SLC25A40: variants seen among roughly 807,000 people sequenced by gnomAD.
SLC25A40 encodes mitochondrial glutathione transporter SLC25A40.
SLC25A40 carries 41 observed loss-of-function variants against 46.5 expected under a neutral mutation model. The observed-to-expected ratio is 0.88, with a 90% CI of 0.69 to 1.14. The LOEUF (loss-of-function observed/expected upper bound fraction) is 1.14. Ranked by LOEUF, SLC25A40 falls within the 50% of genes most tolerant of loss-of-function variation. The pLI is 0.00. For synonymous variants in SLC25A40, 126 were observed against 127.5 expected (o/e 0.99, Z 0.08); for missense variants, 386 against 393.6 (o/e 0.98, Z 0.16).
At chr7:87,875,566 G>C (rs912609682) in intron 1 of SLC25A40, among the ~76,000 whole-genome samples, 3 of 148,120 alleles carry the variant, frequency 2.0e-5, no homozygotes, top group Non-Finnish European at 4.5e-5. Context: ...TTTTTTTGGA[G>C]AGGCATGTTC....
Position 87,854,249 on chromosome 7 carries a change from G to A in SLC25A40, c.219C>T (p.Gly73=), listed in dbSNP as rs754454426. Residue 73 remains glycine, a synonymous_variant, in exon 5 of 12, where the codon GGC becomes GGT. Coordinates refer to ENST00000341119, the MANE Select transcript of SLC25A40 (RefSeq NM_018843.4). Reference sequence around the variant, plus strand: ...CTGGCTTCTTATACCATAGTTTGTTGCCTCCCTCTTCACAGACACATAGAT... The same window carrying A: ...CTGGCTTCTTATACCATAGTTTGTTACCTCCCTCTTCACAGACACATAGAT... ...MDHLCVCEEG[G]NKLWYKKPGN... 1 of 1,613,200 alleles carries A rather than the reference G, an allele frequency of 6.2e-7. No individual in the cohort carries two copies. The highest frequency in any genetic ancestry group is 8.5e-7 in the Non-Finnish European group (1 of 1,179,490).
rs1838484098 is a variant in SLC25A40, at chr7:87,849,963, GA to G, written c.265-16del. On this transcript the variant is annotated splice_polypyrimidine_tract_variant and intron_variant, in intron 5 of 11. Coordinates refer to ENST00000341119, the MANE Select transcript of SLC25A40 (RefSeq NM_018843.4). ...AAAAATGCATCCTAAAGTTATAATA[GA>G]AAAAAAGTAATCAAAATATATCTTT... 12 of 1,506,664 alleles carry G rather than the reference GA, an allele frequency of 8.0e-6. No individual in the cohort carries two copies. Among genetic ancestry groups the G allele is most frequent in the South Asian group, 6.1e-5 (5 of 81,532 alleles). 93.3% of individuals were successfully genotyped at this position (1,506,664 alleles called of 1,614,324 possible).
At chr7:87,850,667 C>A (rs917262869) in intron 5 of SLC25A40, among the ~76,000 whole-genome samples, 1 of 151,732 alleles carries the variant, frequency 6.6e-6, no homozygotes, top group African/African-American at 2.4e-5. Context: ...ACTTGGGAGT[C>A]TGAGGTGGGA....
In SLC25A40 at chr7:87,835,562, G is replaced by T. The variant is rs1196416464; in HGVS notation, c.*687C>A. ...TCAGTAAAAAACTCCCTCTCTTACAGGAATGGCAGAAATATAGACATTTAG... is the reference window on the plus strand; with the variant it reads ...TCAGTAAAAAACTCCCTCTCTTACATGAATGGCAGAAATATAGACATTTAG... On this transcript the variant is annotated 3_prime_UTR_variant, in exon 12 of 12. Coordinates refer to ENST00000341119, the MANE Select transcript of SLC25A40 (RefSeq NM_018843.4). 1 of 151,482 alleles carries T rather than the reference G, an allele frequency of 6.6e-6. No homozygotes were observed. Among genetic ancestry groups the T allele is most frequent in the Non-Finnish European group, 1.5e-5 (1 of 67,648 alleles). The allele number at this position is 151,482 out of a possible 1,614,324, so 9.4% of individuals were successfully genotyped here.
Position 87,846,351 on chromosome 7 carries a change from T to A in SLC25A40, c.631+598A>T, listed in dbSNP as rs548213469. Among the ~76,000 whole-genome samples the A allele has an allele frequency of 4.6e-5, 7 of 152,304 alleles. No individual in the cohort carries two copies. The South Asian group carries it at 1.4e-3, about 32-fold the overall frequency. ...TTTCTCTCTAGATAAGTATTTCTTT[T>A]GGGTCTTAAAAACTTCTATGATCCA... On this transcript the variant is annotated intron_variant, in intron 8 of 11. Coordinates refer to ENST00000341119, the MANE Select transcript of SLC25A40 (RefSeq NM_018843.4).
chr7:87,866,298 G>A (rs1254335767), intron 1 of SLC25A40, among the ~76,000 whole-genome samples: 1 of 152,016 alleles, frequency 6.6e-6, no homozygotes. Flanking sequence ...GGGTATATTT[G>A]CTGGATACAG....
chr7:87,850,194 T>C (rs1838486920), intron 5 of SLC25A40, among the ~76,000 whole-genome samples: 1 of 152,142 alleles, frequency 6.6e-6, no homozygotes, highest in Admixed American at 6.5e-5. Context: ...ATTGTTCTAC[T>C]AAGAGCTTAG....
chr7:87,836,364 GAGAAA>G lies in SLC25A40; in HGVS notation c.905-8_905-4del, dbSNP rs763297221. 6.7e-7 allele frequency: 1 copy of G among 1,495,042 alleles called. No individual in the cohort carries two copies. Among genetic ancestry groups the G allele is most frequent in the South Asian group, 1.4e-5 (1 of 72,650 alleles). The allele number at this position is 1,495,042 out of a possible 1,614,324, so 92.6% of individuals were successfully genotyped here. A position where few individuals can be genotyped will look rare whatever the true frequency, so the allele number is the denominator to read the frequency against. ...TTTAATTAAGCGAGGAATTAGGCCT[GAGAAA>G]AGAATAGGAATAATCAAAACAAATA... On this transcript the variant is annotated splice_polypyrimidine_tract_variant and splice_region_variant and intron_variant, in intron 11 of 11. Transcript: ENST00000341119.
In SLC25A40 at chr7:87,858,617, T is replaced by A; in HGVS notation, c.97+14A>T. ...TTCAAAGTTACATAATCTACATCAG[T>A]AACATAATTTTACCTATTACTGATG... On this transcript the variant is annotated intron_variant, in intron 3 of 11. Coordinates refer to ENST00000341119, the MANE Select transcript of SLC25A40 (RefSeq NM_018843.4). The A allele has an allele frequency of 7.2e-7, 1 of 1,389,782 alleles. No homozygotes were observed. The highest frequency in any genetic ancestry group is 1.0e-6 in the Non-Finnish European group (1 of 975,830). 86.1% of individuals were successfully genotyped at this position (1,389,782 alleles called of 1,614,324 possible).
intron 1 of SLC25A40, among the ~76,000 whole-genome samples, chr7:87,867,197 G>C (rs1170869952): frequency 6.6e-6 from 1 of 152,176 alleles, no homozygotes; most frequent in Non-Finnish European, 1.5e-5. Flanking sequence ...CTTTGAATAA[G>C]TTTTCTACCT....
intron 2 of SLC25A40, among the ~76,000 whole-genome samples, chr7:87,859,062 A>T: frequency 6.6e-6 from 1 of 152,232 alleles, no homozygotes; most frequent in East Asian, 1.9e-4. Context: ...GTTTTATCTT[A>T]CAAAAATTTG....
At chr7:87,873,358 A>C (rs942808054) in intron 1 of SLC25A40, among the ~76,000 whole-genome samples, 2 of 152,200 alleles carry the variant, frequency 1.3e-5, no homozygotes, top group Non-Finnish European at 2.9e-5. Context: ...ATAATCACAA[A>C]AAGTTGTGGA....
Position 87,836,216 on chromosome 7 carries a change from CTA to C in SLC25A40, c.*31_*32del. ...GCCTAAGAGTCTCCATCTTCTTTGG[CTA>C]TAGTTGTTGTTTCAAGTTGAAACAG... On this transcript the variant is annotated 3_prime_UTR_variant, in exon 12 of 12. Transcript: ENST00000341119. 1 of 1,333,464 alleles carries C rather than the reference CTA, an allele frequency of 7.5e-7. No homozygotes were observed. Among genetic ancestry groups the C allele is most frequent in the South Asian group, 1.3e-5 (1 of 77,622 alleles). The allele number at this position is 1,333,464 out of a possible 1,614,324, so 82.6% of individuals were successfully genotyped here. A position where few individuals can be genotyped will look rare whatever the true frequency, so the allele number is the denominator to read the frequency against.
chr7:87,869,409 T>A (rs1262102612), intron 1 of SLC25A40, among the ~76,000 whole-genome samples: 2 of 151,884 alleles, frequency 1.3e-5, no homozygotes. Flanking sequence ...GCACCTCTAG[T>A]CCCAGCTACA....
intron 5 of SLC25A40, among the ~76,000 whole-genome samples, chr7:87,852,460 T>C (rs1032748178): frequency 1.3e-5 from 2 of 152,032 alleles, no homozygotes; most frequent in African/African-American, 2.4e-5. Flanking sequence ...TCCCAGCTAT[T>C]TGGGAGACGG....
rs148917618 is a variant in SLC25A40, at chr7:87,847,070, C to T, written c.510G>A (p.Gln170=). Residue 170 remains glutamine (Q), a synonymous_variant, in exon 8 of 12, where the codon CAG becomes CAA. Coordinates refer to ENST00000341119, the MANE Select transcript of SLC25A40 (RefSeq NM_018843.4). Reference sequence around the variant, plus strand: ...GTTCCACGTAAGAAAACTTCTTGGACTGCATCTTGGTTCTAATCAATTCTA... The same window carrying T: ...GTTCCACGTAAGAAAACTTCTTGGATTGCATCTTGGTTCTAATCAATTCTA... ...SPLELIRTKM[Q]SKKFSYVELH... 24 of 1,613,588 alleles carry T rather than the reference C, an allele frequency of 1.5e-5. No homozygotes were observed. In the African/African-American group the frequency reaches 2.8e-4, roughly 19 times the overall value.
chr7:87,837,428 C>T (rs1266950105), intron 10 of SLC25A40, among the ~76,000 whole-genome samples: 3 of 151,068 alleles, frequency 2.0e-5, no homozygotes, highest in Non-Finnish European at 3.0e-5. Context: ...TTATTACTAC[C>T]TTTCTGAATG....
rs1037193920 is a variant in SLC25A40, at chr7:87,862,234, G to A, written c.-93-1594C>T. Among the ~76,000 whole-genome samples, 5 of 152,250 alleles carry A rather than the reference G, an allele frequency of 3.3e-5. No homozygotes were observed. In the East Asian group the frequency reaches 7.7e-4, roughly 24 times the overall value. ...TTTTAGGGAGGACACATTCTACTGG[G>A]AGAACTCACTCTAACAAAATATCTC... On this transcript the variant is annotated intron_variant, in intron 1 of 11. Transcript: ENST00000341119.
Position 87,835,125 on chromosome 7 carries a change from TAAAAC to T in SLC25A40, c.*1119_*1123del, listed in dbSNP as rs1001604156. On this transcript the variant is annotated 3_prime_UTR_variant, in exon 12 of 12. Coordinates refer to ENST00000341119, the MANE Select transcript of SLC25A40 (RefSeq NM_018843.4). ...ATATAGGATATAGATCCTAAGAAAA[TAAAAC>T]TAAAGTATAAAAAATGAATAGCATT... 6.6e-6 allele frequency: 1 copy of T among 151,230 alleles called. No individual in the cohort carries two copies. Among genetic ancestry groups the T allele is most frequent in the African/African-American group, 2.4e-5 (1 of 41,326 alleles). The allele number at this position is 151,230 out of a possible 1,614,324, so 9.4% of individuals were successfully genotyped here.
Sources: allele counts gnomAD v4.1 joint callset (sites outside exome capture counted in the v4.1 genomes callset), GRCh38; gene constraint gnomAD v4.1.1; transcripts MANE v1.5; gene names NCBI Gene and HGNC (gene_info 2026-07-23, HGNC 2026-07-21).